The following MACROD2 variants were observed in gnomAD, a reference collection of about 807,000 sequenced individuals.
The protein encoded by MACROD2 is ADP-ribose glycohydrolase MACROD2.
Under a neutral mutation model 70.4 loss-of-function variants are expected in MACROD2, and 36 were observed. That is an observed-to-expected ratio of 0.51 (90% CI 0.39 to 0.68). The LOEUF is 0.68. Ranked by LOEUF, MACROD2 falls within the 30% of genes least tolerant of loss-of-function variation. The probability of loss-of-function intolerance (pLI) is 0.00; values close to 1 mark genes in which losing one functional copy is unlikely to be tolerated. For missense variants in MACROD2, 496 were observed against 538.4 expected, an observed-to-expected ratio of 0.92 and a Z score of 0.78; for synonymous variants, 172 against 178.8, an observed-to-expected ratio of 0.96 and a Z score of 0.30.
At chr20:14,466,827 C>T (rs1219739209) in intron 3 of MACROD2, among the ~76,000 whole-genome samples, 2 of 152,060 alleles carry the variant, frequency 1.3e-5, no homozygotes, top group African/African-American at 4.8e-5. Context: ...TGGGTTTCAG[C>T]AGTGGTGGCT....
chr20:15,492,321 T>A (rs1328593954), intron 7 of MACROD2, among the ~76,000 whole-genome samples: 5 of 150,918 alleles, frequency 3.3e-5, no homozygotes, highest in Non-Finnish European at 3.0e-5. Context: ...AAAAAAAAAA[T>A]GTATTGCCCA....
At chr20:14,981,381 GA>G (rs2074797495) in intron 5 of MACROD2, among the ~76,000 whole-genome samples, 1 of 149,172 alleles carries the variant, frequency 6.7e-6, no homozygotes, top group African/African-American at 2.5e-5. Context: ...CACTCCTTTG[GA>G]AAAGCCTTAC....
intron 8 of MACROD2, among the ~76,000 whole-genome samples, chr20:15,749,483 A>G (rs555574176): frequency 6.6e-6 from 1 of 152,210 alleles, no homozygotes; most frequent in Admixed American, 6.6e-5. Context: ...ATGGATATGT[A>G]TTGAATTAAA....
intron 5 of MACROD2, among the ~76,000 whole-genome samples, chr20:15,103,276 G>A (rs959715230): frequency 6.6e-6 from 1 of 152,068 alleles, no homozygotes; most frequent in African/African-American, 2.4e-5. Flanking sequence ...ATAGTCACAC[G>A]GTGGCTACTG....
chr20:14,322,761 T>C (rs1285189319), intron 3 of MACROD2, among the ~76,000 whole-genome samples: 1 of 152,152 alleles, frequency 6.6e-6, no homozygotes, highest in Non-Finnish European at 1.5e-5. Context: ...ATGGCAAACA[T>C]TTGTTGACCA....
chr20:15,269,925 A>C (rs750101596), intron 6 of MACROD2, among the ~76,000 whole-genome samples: 1 of 152,194 alleles, frequency 6.6e-6, no homozygotes, highest in Non-Finnish European at 1.5e-5. Context: ...CTGTAGGATA[A>C]TAACACCTTA....
chr20:14,076,407 T>G (rs1209091988), intron 2 of MACROD2, among the ~76,000 whole-genome samples: 2 of 152,058 alleles, frequency 1.3e-5, no homozygotes, highest in Admixed American at 1.3e-4. Context: ...TCCCAGCACT[T>G]TGGGAGGCCA....
chr20:15,437,652 A>G (rs939713544), intron 7 of MACROD2, among the ~76,000 whole-genome samples: 2 of 151,166 alleles, frequency 1.3e-5, no homozygotes, highest in Admixed American at 6.6e-5. Flanking sequence ...CCTTCCTCTC[A>G]CCCTCCACCC....
At chr20:14,615,277 G>A (rs1983410145) in intron 4 of MACROD2, among the ~76,000 whole-genome samples, 3 of 152,094 alleles carry the variant, frequency 2.0e-5, no homozygotes, top group Admixed American at 2.0e-4. Flanking sequence ...TGACAGCTCA[G>A]GGTGCCCTCT....
chr20:15,581,136 A>G (rs1239161531), intron 8 of MACROD2, among the ~76,000 whole-genome samples: 5 of 152,212 alleles, frequency 3.3e-5, no homozygotes, highest in Admixed American at 6.5e-5. Flanking sequence ...GAGGATTGAG[A>G]GAGATGGGGA....
At chr20:15,465,906 T>C (rs1281333124) in intron 7 of MACROD2, among the ~76,000 whole-genome samples, 1 of 152,208 alleles carries the variant, frequency 6.6e-6, no homozygotes. Context: ...CCATGCTTAA[T>C]GTATCAGACA....
At chr20:15,474,832 CT>C (rs755068432) in intron 7 of MACROD2, among the ~76,000 whole-genome samples, 12 of 152,132 alleles carry the variant, frequency 7.9e-5, no homozygotes, top group Admixed American at 3.9e-4. Flanking sequence ...GCCCTATCCA[CT>C]CCTTGACTTA....
At chr20:15,721,129 T>C (rs1444578343) in intron 8 of MACROD2, among the ~76,000 whole-genome samples, 1 of 152,210 alleles carries the variant, frequency 6.6e-6, no homozygotes, top group Non-Finnish European at 1.5e-5. Flanking sequence ...CAGATTACTC[T>C]GTAGAAAGTA....
At chr20:15,074,900 C>T (rs1426938661) in intron 5 of MACROD2, among the ~76,000 whole-genome samples, 1 of 152,112 alleles carries the variant, frequency 6.6e-6, no homozygotes, top group Non-Finnish European at 1.5e-5. Context: ...TACACACATC[C>T]ATAAGACAGC....
At chr20:14,653,420 A>G (rs1985796357) in intron 4 of MACROD2, among the ~76,000 whole-genome samples, 2 of 150,880 alleles carry the variant, frequency 1.3e-5, no homozygotes, top group South Asian at 4.2e-4. Context: ...GAGTTTCACC[A>G]TGTTAGCCAG....
At chr20:15,379,304 T>C (rs184886451) in intron 6 of MACROD2, among the ~76,000 whole-genome samples, 16 of 152,204 alleles carry the variant, frequency 1.1e-4, no homozygotes, top group Non-Finnish European at 1.9e-4. Context: ...TTCAAATGCA[T>C]ATTAAAGGAC....
intron 3 of MACROD2, among the ~76,000 whole-genome samples, chr20:14,120,161 T>C (rs1428375298): frequency 2.3e-5 from 3 of 132,538 alleles, no homozygotes; most frequent in Non-Finnish European, 3.0e-5. Flanking sequence ...TGCAGTGAGC[T>C]GAGATCATGC....
At chr20:14,439,111 T>C (rs1158268944) in intron 3 of MACROD2, among the ~76,000 whole-genome samples, 1 of 152,176 alleles carries the variant, frequency 6.6e-6, no homozygotes. Context: ...ATTTTATTAT[T>C]TCGCATGTGG....
rs111770709 is a variant in MACROD2, at chr20:15,528,667, T to A, written c.645+28820T>A. Among the ~76,000 whole-genome samples, 192 of 152,232 alleles carry A rather than the reference T, an allele frequency of 1.3e-3. 1 individual carries two copies. Among genetic ancestry groups the A allele is most frequent in the African/African-American group, 4.3e-3 (177 of 41,538 alleles). On this transcript the variant is annotated intron_variant, in intron 8 of 17. Transcript: ENST00000684519. ...CTCATCTCCTGACCACACACTTCTG[T>A]TTGCGTTTTTTCATCCAGAAATTAA...
Sources: gnomAD v4.1 joint callset for allele counts (sites outside exome capture counted in the v4.1 genomes callset) on GRCh38, gnomAD v4.1.1 for gene constraint, MANE v1.5 for transcripts, NCBI Gene and HGNC (gene_info 2026-07-23, HGNC 2026-07-21) for gene names.